Variants in NEXN observed in about 807,000 individuals in gnomAD.
NEXN encodes the protein nexilin F-actin binding protein.
In NEXN, 65 loss-of-function variants were observed where a neutral mutation model predicts 92.6. The ratio of observed to expected loss-of-function variants is 0.70; its 90% CI spans 0.57 to 0.86. NEXN has a LOEUF of 0.86. Ranked by LOEUF, NEXN falls within the 40% of genes least tolerant of loss-of-function variation. NEXN has a pLI of 0.00. For missense variants in NEXN, 778 were observed against 771.1 expected (o/e 1.01, Z -0.11); for synonymous variants, 254 against 242.5 (o/e 1.05, Z -0.44).
At chr1:77,889,332 T>TC (rs1647052351) in intron 1 of NEXN, 2 of 135,334 alleles carry the variant, frequency 1.5e-5, no homozygotes, top group South Asian at 4.8e-4. Context: ...CCCCCGCATA[T>TC]CCCCCCACTC....
chr1:77,927,620 G>C (rs1200215786), intron 8 of NEXN, among the ~76,000 whole-genome samples: 1 of 151,940 alleles, frequency 6.6e-6, no homozygotes, highest in Non-Finnish European at 1.5e-5. Context: ...GTGTGTGTGT[G>C]TGTGTGTGTG....
intron 1 of NEXN, among the ~76,000 whole-genome samples, chr1:77,909,041 C>A (rs1023243978): frequency 2.0e-5 from 3 of 152,058 alleles, no homozygotes; most frequent in Non-Finnish European, 4.4e-5. Flanking sequence ...CTATTAAAAT[C>A]TAGGAGATAT....
At chr1:77,903,234 AAAAG>A (rs989635012) in intron 1 of NEXN, among the ~76,000 whole-genome samples, 1 of 152,186 alleles carries the variant, frequency 6.6e-6, no homozygotes, top group African/African-American at 2.4e-5. Flanking sequence ...TGAAAAAAAA[AAAAG>A]AGAGAAATCA....
rs780371936 is a variant in NEXN at position 77,916,114 on chromosome 1, A to T, written c.8A>T (p.Asp3Val). The T allele has an allele frequency of 2.5e-6, 4 of 1,607,694 alleles. No individual in the cohort carries two copies. The highest frequency in any genetic ancestry group is 3.4e-6 in the Non-Finnish European group (4 of 1,176,344). Residue 3 changes from aspartate to valine, a missense_variant, in exon 2 of 13, where the codon GAT becomes GTT. By Grantham distance (152) the Asp-to-Val change is radical. Coordinates refer to ENST00000334785, the MANE Select transcript of NEXN (RefSeq NM_144573.4). ...AGACCACATAGAGCAAACATGAATG[A>T]TATTTCCCAAAAGGCTGAGGTAAGT... is the stretch of plus-strand genomic sequence containing the variant. Reference protein sequence around the residue: MNDISQKAEILLS... With the variant: MNVISQKAEILLS...
intron 11 of NEXN, 44 bp downstream of exon 11, chr1:77,936,088 T>C (rs1650740657): frequency 7.2e-7 from 1 of 1,390,694 alleles, no homozygotes. Flanking sequence ...ACAGTAATGA[T>C]AATAAATTTA....
chr1:77,890,337 T>C (rs1289646670), intron 1 of NEXN, among the ~76,000 whole-genome samples: 1 of 152,226 alleles, frequency 6.6e-6, no homozygotes, highest in Non-Finnish European at 1.5e-5. Context: ...TTCCTCATCA[T>C]AGTTACAATG....
In NEXN at chr1:77,936,050, T is replaced by C; in HGVS notation, c.1473+6T>C. 2 of 1,572,052 alleles carry C rather than the reference T, an allele frequency of 1.3e-6. No homozygotes were observed. Among genetic ancestry groups the C allele is most frequent in the Non-Finnish European group, 8.8e-7 (1 of 1,142,524 alleles). On this transcript the variant is annotated splice_donor_region_variant and intron_variant, in intron 11 of 12. Transcript: ENST00000334785. The stretch of plus-strand genomic sequence containing the variant: ...AAGCTGAAAATTTTCATGAGGTATA[T>C]TACCTTTATATTTAACATAGTTATG...
chr1:77,923,003 CTTTTTTTTTTTTT>C (rs753111389), intron 5 of NEXN, among the ~76,000 whole-genome samples: 2 of 112,386 alleles, frequency 1.8e-5, no homozygotes, highest in Admixed American at 1.8e-4. Flanking sequence ...AATTGGGTGT[CTTTTTTTTTTTTT>C]TTTTTTTTTG....
chr1:77,892,121 A>C (rs1481905647), intron 1 of NEXN, among the ~76,000 whole-genome samples: 1 of 152,068 alleles, frequency 6.6e-6, no homozygotes, highest in Non-Finnish European at 1.5e-5. Flanking sequence ...GACATACTTA[A>C]AAATTGGTAC....
At chr1:77,934,511 C>T (rs113098716) in intron 10 of NEXN, among the ~76,000 whole-genome samples, 8 of 152,318 alleles carry the variant, frequency 5.3e-5, no homozygotes, top group South Asian at 2.1e-4. Flanking sequence ...ACTGATTGGA[C>T]GATGAAGCAT....
chr1:77,910,183 G>A (rs1648447295), intron 1 of NEXN, among the ~76,000 whole-genome samples: 1 of 152,196 alleles, frequency 6.6e-6, no homozygotes, highest in Admixed American at 6.5e-5. Flanking sequence ...AACTTAGTCT[G>A]ATAAACGGCA....
rs963404777 is a variant in NEXN at position 77,912,994 on chromosome 1, AT to A, written c.-52-3059del. ...TTCTGCAAAAGACACTGTGAAAAGAATTAAAAAATAAGCCATAGACTTGGAG... is the reference window on the plus strand; with the variant it reads ...TTCTGCAAAAGACACTGTGAAAAGAATAAAAAATAAGCCATAGACTTGGAG... On this transcript the variant is annotated intron_variant, in intron 1 of 12. Coordinates refer to ENST00000334785, the MANE Select transcript of NEXN (RefSeq NM_144573.4). Among the ~76,000 whole-genome samples, 52 of 152,362 alleles carry A rather than the reference AT, an allele frequency of 3.4e-4. 1 individual carries two copies. The highest frequency in any genetic ancestry group is 1.2e-3 in the African/African-American group (48 of 41,588).
intron 5 of NEXN, among the ~76,000 whole-genome samples, chr1:77,920,619 TAAAAAAAA>T (rs66533373): frequency 1.5e-5 from 1 of 67,300 alleles, no homozygotes; most frequent in Non-Finnish European, 2.8e-5. Flanking sequence ...CCCTGTCTCT[TAAAAAAAA>T]AAAAAAAAAA....
chr1:77,899,822 T>C (rs1647553190), intron 1 of NEXN, among the ~76,000 whole-genome samples: 1 of 152,140 alleles, frequency 6.6e-6, no homozygotes, highest in Admixed American at 6.6e-5. Context: ...TGAGTCACCA[T>C]GTCCTGTCAA....
chr1:77,915,457 G>A (rs901654379), intron 1 of NEXN, among the ~76,000 whole-genome samples: 2 of 152,002 alleles, frequency 1.3e-5, no homozygotes, highest in Admixed American at 6.6e-5. Context: ...GTGAAACCCC[G>A]TCTCTACTAA....
Position 77,918,125 on chromosome 1 carries a change from G to A in NEXN, c.299G>A (p.Gly100Glu), listed in dbSNP as rs1390805779. ...VEKAYVPKLT[G>E]TVKGRFAEME... The stretch of plus-strand genomic sequence containing the variant: ...AAACTTTTTTTTCATATATTTTTAG[G>A]AACTGTGAAGGGTAGATTTGCTGAA... Residue 100 changes from glycine to glutamate, a missense_variant and splice_region_variant, in exon 5 of 13, where the codon GGA becomes GAA. Physicochemically the swap from Gly to Glu is moderately conservative, Grantham distance 98. Transcript: ENST00000334785. 4 of 1,613,876 alleles carry A rather than the reference G, an allele frequency of 2.5e-6. No homozygotes were observed. Among genetic ancestry groups the A allele is most frequent in the Non-Finnish European group, 3.4e-6 (4 of 1,179,890 alleles).
At position 77,905,215 on chromosome 1, in the gene NEXN, T is replaced by C. The variant is rs538958074; in HGVS notation, c.-52-10840T>C. On this transcript the variant is annotated intron_variant, in intron 1 of 12. Transcript: ENST00000334785. ...AGGCAGAGGTTGCAGTGAGCAGAGA[T>C]TGCGCCATTGCCCAGCCTGGGCAGT... Among the ~76,000 whole-genome samples, 3 of 151,384 alleles carry C rather than the reference T, an allele frequency of 2.0e-5. No homozygotes were observed. In the East Asian group the frequency reaches 5.9e-4, roughly 30 times the overall value.
At chr1:77,938,815 T>TTAC (rs1197982757) in intron 11 of NEXN, among the ~76,000 whole-genome samples, 2 of 152,060 alleles carry the variant, frequency 1.3e-5, no homozygotes, top group African/African-American at 4.8e-5. Flanking sequence ...CCTTCCAGAT[T>TTAC]AACTCAGAGG....
At chr1:77,894,501 C>T (rs1021180947) in intron 1 of NEXN, among the ~76,000 whole-genome samples, 37 of 151,908 alleles carry the variant, frequency 2.4e-4, no homozygotes, top group African/African-American at 8.7e-4. Flanking sequence ...AGTGCAGTGG[C>T]GTGATCAGGG....
Sources: gnomAD v4.1 joint callset for allele counts (sites outside exome capture counted in the v4.1 genomes callset) on GRCh38, gnomAD v4.1.1 for gene constraint, MANE v1.5 for transcripts, NCBI Gene and HGNC (gene_info 2026-07-23, HGNC 2026-07-21) for gene names.